Variants in FAM186B observed in about 807,000 individuals in gnomAD.
The protein encoded by FAM186B is protein FAM186B.
Under a neutral mutation model 83.4 loss-of-function variants are expected in FAM186B, and 68 were observed. The ratio of observed to expected loss-of-function variants is 0.81; its 90% confidence interval spans 0.67 to 1.00. The LOEUF (loss-of-function observed/expected upper bound fraction) is 1.00. FAM186B is among the 50% of genes least tolerant of loss of function. The pLI, the probability that FAM186B is intolerant of heterozygous loss-of-function variation, is 0.00. For missense variants in FAM186B, 983 were observed against 1,099.2 expected, an observed-to-expected ratio of 0.89 and a Z score of 1.49; for synonymous variants, 389 against 422.0, an observed-to-expected ratio of 0.92 and a Z score of 0.96.
intron 5 of FAM186B, among the ~76,000 whole-genome samples, chr12:49,592,060 A>G (rs1248366): frequency 0.73 from 110,723 of 152,146 alleles, 42,337 homozygotes; most frequent in African/African-American, 0.94. Context: ...TTACATAGAG[A>G]CAAAATGTAT....
At chr12:49,586,591 C>A (rs988361921), downstream of FAM186B, among the ~76,000 whole-genome samples, 4 of 152,208 alleles carry the variant, frequency 2.6e-5, no homozygotes, top group Non-Finnish European at 5.9e-5. Flanking sequence ...TTAACCAAAT[C>A]TCTGCCAGGC....
chr12:49,603,487 C>T (rs1325414421), intron 2 of FAM186B, 120 bp from the exon 3 acceptor site: 5 of 960,292 alleles, frequency 5.2e-6, no homozygotes, highest in Non-Finnish European at 7.7e-6. Context: ...CTCTTACTAG[C>T]TATGTGATGT....
chr12:49,587,251 C>T (rs1320776921), downstream of FAM186B, among the ~76,000 whole-genome samples: 1 of 152,156 alleles, frequency 6.6e-6, no homozygotes, highest in Non-Finnish European at 1.5e-5. Context: ...AGGGCTCCCT[C>T]ATCTCTCCCT....
chr12:49,609,235 G>T (rs572160935), upstream of FAM186B, among the ~76,000 whole-genome samples: 4 of 152,236 alleles, frequency 2.6e-5, no homozygotes, highest in South Asian at 8.3e-4. Context: ...GTTATTGCTT[G>T]GTATGCTAGA....
chr12:49,602,097 T>C (rs1939908370), intron 3 of FAM186B, among the ~76,000 whole-genome samples: 1 of 152,178 alleles, frequency 6.6e-6, no homozygotes, highest in Non-Finnish European at 1.5e-5. Flanking sequence ...ATGTGAAAAA[T>C]GGGGATAATC....
intron 2 of FAM186B, among the ~76,000 whole-genome samples, chr12:49,603,674 T>C (rs943451510): frequency 1.3e-5 from 2 of 152,212 alleles, no homozygotes; most frequent in African/African-American, 4.8e-5. Context: ...TTGTTACTGC[T>C]CTATGCCGAT....
Position 49,601,100 on chromosome 12 carries a change from TC to T in FAM186B, c.539del (p.Gly180GlufsTer14), listed in dbSNP as rs1175399626. The T allele has an allele frequency of 6.3e-7, 1 of 1,582,580 alleles. No homozygotes were observed. Among genetic ancestry groups the T allele is most frequent in the Non-Finnish European group, 8.6e-7 (1 of 1,162,090 alleles). On this transcript the variant is annotated frameshift_variant, in exon 4 of 7. Coordinates refer to ENST00000257894, the MANE Select transcript of FAM186B (RefSeq NM_032130.3). LOFTEE classifies it high-confidence loss of function. ...GGGATGGAGATGTCTGTGGGCTTCT[TC>T]CCTGCCAGCCCTGCCAGAAGGTGCG... is the stretch of plus-strand genomic sequence containing the variant. ...SKRTFWQGWQGRSPQTSPSHP... is the reference protein window; with the variant it reads ...SKRTFWQGWQXRSPQTSPSHP...
the FAM186B span, among the ~76,000 whole-genome samples, chr12:49,612,462 C>T: frequency 6.6e-5 from 10 of 151,316 alleles, 3 homozygotes; most frequent in Admixed American, 5.9e-4. Flanking sequence ...GCATGTGGCC[C>T]AGGACAGCTT....
chr12:49,591,303 C>G (rs1939576121), intron 5 of FAM186B, among the ~76,000 whole-genome samples: 1 of 152,122 alleles, frequency 6.6e-6, no homozygotes, highest in Non-Finnish European at 1.5e-5. Flanking sequence ...TCTGTGCAGG[C>G]CTGGGAGGAA....
intron 4 of FAM186B, 79 bp from the exon 5 acceptor site, chr12:49,599,026 GTTTTC>G: frequency 7.0e-7 from 1 of 1,438,688 alleles, no homozygotes; most frequent in Non-Finnish European, 9.5e-7. Context: ...AGATGACTTT[GTTTTC>G]TTTAATTCCT....
intron 5 of FAM186B, among the ~76,000 whole-genome samples, chr12:49,598,228 G>A (rs1337677476): frequency 2.0e-5 from 3 of 152,208 alleles, no homozygotes; most frequent in African/African-American, 4.8e-5. Flanking sequence ...CAGAAAGTGA[G>A]TGGAGGAGGG....
At position 49,600,083 on chromosome 12, in the gene FAM186B, C is replaced by A; in HGVS notation, c.1557G>T (p.Arg519=). Residue 519 remains arginine, a synonymous_variant, in exon 4 of 7, where the codon CGG becomes CGT. Transcript: ENST00000257894. The surrounding 1 kb of genome is among the most constrained non-coding windows in gnomAD (Gnocchi z 4.3). ...LLEQEHQEKL[R]QWNLEDLARE... is the part of the protein sequence containing the mutation. ...TGGCCAGGTCTTCCAGATTCCACTG[C>A]CGCAGCTTCTCCTGATGCTCCTGCT... 1 of 1,608,870 alleles carries A rather than the reference C, an allele frequency of 6.2e-7. No homozygotes were observed. The highest frequency in any genetic ancestry group is 8.5e-7 in the Non-Finnish European group (1 of 1,177,400).
intron 5 of FAM186B, among the ~76,000 whole-genome samples, chr12:49,589,873 C>T (rs1028442469): frequency 4.7e-5 from 7 of 148,956 alleles, no homozygotes; most frequent in South Asian, 2.1e-4. Flanking sequence ...CCCAGCTACT[C>T]GGAAGGCTGA....
At chr12:49,616,414 C>T in the FAM186B span, among the ~76,000 whole-genome samples, 1 of 152,112 alleles carries the variant, frequency 6.6e-6, no homozygotes, top group Non-Finnish European at 1.5e-5. Flanking sequence ...AAACATATGT[C>T]CACACATAAA....
chr12:49,616,788 T>C, the FAM186B span, among the ~76,000 whole-genome samples: 1 of 152,220 alleles, frequency 6.6e-6, no homozygotes, highest in Admixed American at 6.5e-5. Flanking sequence ...GATGGTCACA[T>C]GACTGGATAC....
In FAM186B at chr12:49,598,925, G is replaced by C. The variant is rs755740837; in HGVS notation, c.2194C>G (p.Gln732Glu). The change falls in exon 5 of 7, where the codon CAA becomes GAA. Residue 732 changes from glutamine to glutamate, a missense_variant. Coordinates refer to ENST00000257894, the MANE Select transcript of FAM186B (RefSeq NM_032130.3). ...GAAGCCTCCGTTTCTTTCATGATTTGTACATGGTTGATCGCTTCTTGCCTG... is the reference window on the plus strand; with the variant it reads ...GAAGCCTCCGTTTCTTTCATGATTTCTACATGGTTGATCGCTTCTTGCCTG... Reference protein sequence around the residue: ...SLRQEAINHVQIMKETEASYK... With the variant: ...SLRQEAINHVEIMKETEASYK... The C allele has an allele frequency of 6.2e-7, 1 of 1,613,838 alleles. No individual in the cohort carries two copies. Among genetic ancestry groups the C allele is most frequent in the Non-Finnish European group, 8.5e-7 (1 of 1,179,964 alleles).
At chr12:49,620,626 T>C in the FAM186B span, among the ~76,000 whole-genome samples, 1 of 152,216 alleles carries the variant, frequency 6.6e-6, no homozygotes, top group Non-Finnish European at 1.5e-5. Flanking sequence ...TGCATAGTAG[T>C]AGCATTTATT....
intron 5 of FAM186B, chr12:49,595,546 G>C: frequency 2.2e-6 from 1 of 452,300 alleles, no homozygotes; most frequent in Non-Finnish European, 4.5e-6. Context: ...CACCTACTCT[G>C]AGAATCGTGT....
intron 3 of FAM186B, among the ~76,000 whole-genome samples, chr12:49,601,615 T>C (rs1254379913): frequency 4.2e-5 from 6 of 142,310 alleles, no homozygotes; most frequent in Middle Eastern, 3.4e-3. Context: ...TGTTCACATG[T>C]TTTATGTTTT....
Sources: allele counts gnomAD v4.1 joint callset (sites outside exome capture counted in the v4.1 genomes callset), GRCh38; gene constraint gnomAD v4.1.1; non-coding constraint Gnocchi (gnomAD v3.1); transcripts MANE v1.5; gene names NCBI Gene and HGNC (gene_info 2026-07-23, HGNC 2026-07-21).